The following PPEF1 variants were observed in gnomAD, a reference collection of about 807,000 sequenced individuals.
PPEF1 encodes serine/threonine-protein phosphatase with EF-hands 1.
In PPEF1, 12 loss-of-function variants were observed where a neutral mutation model predicts 53.3. The observed-to-expected ratio is 0.23, with a 90% CI of 0.14 to 0.36. The LOEUF (loss-of-function observed/expected upper bound fraction) is 0.36, where lower values mean the gene tolerates loss of function less well. Among genes scored for constraint, PPEF1 ranks in the 10% least tolerant of loss-of-function variants. The pLI is 1.00. For synonymous variants in PPEF1, 165 were observed against 176.7 expected, an observed-to-expected ratio of 0.93 and a Z score of 0.52; for missense variants, 334 against 490.4, an observed-to-expected ratio of 0.68 and a Z score of 3.01.
At chrX:18,682,363 T>C (rs1928913517), upstream of PPEF1, among the ~76,000 whole-genome samples, 1 of 112,447 alleles carries the variant, frequency 8.9e-6, no homozygotes, top group South Asian at 3.7e-4. Flanking sequence ...GCTCTTGCTA[T>C]CAAAGAGGCT....
intron 1 of PPEF1, among the ~76,000 whole-genome samples, chrX:18,677,642 A>G (rs948327940): frequency 9.0e-6 from 1 of 111,613 alleles, no homozygotes; most frequent in South Asian, 3.8e-4. Flanking sequence ...CTGATGATCT[A>G]GCTTCCTATT....
intron 3 of PPEF1, among the ~76,000 whole-genome samples, chrX:18,690,358 G>GTTTT (rs67423941): frequency 1.4e-5 from 1 of 71,264 alleles, no homozygotes; most frequent in African/African-American, 5.3e-5. Flanking sequence ...TCTAGGACTT[G>GTTTT]TTTTTTTTTT....
intron 1 of PPEF1, among the ~76,000 whole-genome samples, chrX:18,723,935 C>T (rs1180985859): frequency 7.2e-5 from 8 of 110,751 alleles, no homozygotes; most frequent in Non-Finnish European, 5.7e-5. Context: ...TACAGGCATG[C>T]ACCACCACGC....
rs1005288886 is a variant in PPEF1 at position 18,757,551 on chromosome X, A to C, written c.397-76A>C. 5.2e-6 allele frequency: 4 copies of C among 769,537 alleles called. No homozygotes were observed. The African/African-American group carries it at 8.3e-5, about 16-fold the overall frequency. The allele number at this position is 769,537 out of a possible 1,213,427, so 63.4% of individuals were successfully genotyped here. A position where few individuals can be genotyped will look rare whatever the true frequency, so the allele number is the denominator to read the frequency against. On this transcript the variant is annotated intron_variant, in intron 4 of 15. Coordinates refer to ENST00000470157, the MANE Select transcript of PPEF1 (RefSeq NM_001377996.1). ...GACCTGAAACGTGCGTGCTTGCTCC[A>C]CCTTTACAGTTTTCTATACAGTCAT...
intron 10 of PPEF1, among the ~76,000 whole-genome samples, chrX:18,801,644 G>C (rs947283069): frequency 9.0e-6 from 1 of 111,662 alleles, no homozygotes; most frequent in African/African-American, 3.3e-5. Flanking sequence ...TAATGGCAGA[G>C]AGAGTTTTTC....
At chrX:18,684,813 G>A (rs1382976229) in intron 2 of PPEF1, among the ~76,000 whole-genome samples, 1 of 110,806 alleles carries the variant, frequency 9.0e-6, no homozygotes, top group East Asian at 2.8e-4. Context: ...TATTAGTAGG[G>A]ATGGATTTTC....
At chrX:18,732,738 A>G (rs2044866660) in intron 2 of PPEF1, among the ~76,000 whole-genome samples, 1 of 112,183 alleles carries the variant, frequency 8.9e-6, no homozygotes, top group African/African-American at 3.2e-5. Flanking sequence ...CTTGAAAAAG[A>G]AATTATTTGT....
At chrX:18,680,638 T>G (rs1004278804), upstream of PPEF1, among the ~76,000 whole-genome samples, 1 of 109,761 alleles carries the variant, frequency 9.1e-6, no homozygotes, top group Non-Finnish European at 1.9e-5. Flanking sequence ...TTATTATACT[T>G]TAAGTTTCAG....
chrX:18,761,829 C>A (rs928979274), intron 6 of PPEF1, among the ~76,000 whole-genome samples: 6 of 109,368 alleles, frequency 5.5e-5, no homozygotes, highest in African/African-American at 1.7e-4. Context: ...GGATTTGTAC[C>A]GGATTGTATT....
At chrX:18,680,290 C>G (rs754872373), upstream of PPEF1, among the ~76,000 whole-genome samples, 1 of 109,525 alleles carries the variant, frequency 9.1e-6, no homozygotes, top group Non-Finnish European at 1.9e-5. Context: ...TCACCTTGCT[C>G]GGGTCATACC....
chrX:18,724,336 C>T (rs893162369), intron 1 of PPEF1, among the ~76,000 whole-genome samples: 2 of 111,675 alleles, frequency 1.8e-5, no homozygotes, highest in East Asian at 2.8e-4. Flanking sequence ...ACATAAAGCA[C>T]GAGGCACAAT....
chrX:18,712,688 C>G (rs113078193), intron 1 of PPEF1, among the ~76,000 whole-genome samples: 22 of 112,057 alleles, frequency 2.0e-4, no homozygotes, highest in African/African-American at 7.1e-4. Context: ...TGTCTTGTTC[C>G]TGATCTTAAG....
At chrX:18,694,789 G>A (rs1482609133) in intron 4 of PPEF1, among the ~76,000 whole-genome samples, 5 of 111,720 alleles carry the variant, frequency 4.5e-5, no homozygotes, top group Non-Finnish European at 9.4e-5. Flanking sequence ...GTATCTCATG[G>A]TTTTAATTTT....
At chrX:18,696,506 C>T (rs1929733797) in intron 4 of PPEF1, among the ~76,000 whole-genome samples, 1 of 110,787 alleles carries the variant, frequency 9.0e-6, no homozygotes, top group African/African-American at 3.3e-5. Flanking sequence ...TGAGAATGGA[C>T]CAAGCATATT....
chrX:18,697,638 T>G (rs1356381213), intron 4 of PPEF1, among the ~76,000 whole-genome samples: 5 of 111,340 alleles, frequency 4.5e-5, no homozygotes, highest in African/African-American at 1.6e-4. Flanking sequence ...ATTGCTTTCA[T>G]TTATTCATGT....
At chrX:18,722,301 A>C (rs936192424) in intron 1 of PPEF1, among the ~76,000 whole-genome samples, 1 of 111,878 alleles carries the variant, frequency 8.9e-6, no homozygotes, top group African/African-American at 3.3e-5. Flanking sequence ...TTTTCTTTCC[A>C]GTTCATTCGA....
At chrX:18,690,031 A>G (rs778907095) in intron 3 of PPEF1, among the ~76,000 whole-genome samples, 66 of 110,868 alleles carry the variant, frequency 6.0e-4, no homozygotes, top group Non-Finnish European at 1.2e-3. Flanking sequence ...CTCTCATAAA[A>G]TGAATACTTG....
At position 18,710,568 on chromosome X, in the gene PPEF1, C is replaced by A. The variant is rs181793426; in HGVS notation, c.46+2742C>A. Among the ~76,000 whole-genome samples the A allele has an allele frequency of 4.7e-3, 520 of 111,408 alleles. 3 individuals are homozygous for A. Among genetic ancestry groups the A allele is most frequent in the African/African-American group, 0.016 (502 of 30,693 alleles). The stretch of plus-strand genomic sequence containing the variant: ...GGCATACAAATGGCTAACAAACACA[C>A]GAAAAAAATGCTCAACATCACTAAT... On this transcript the variant is annotated intron_variant, in intron 1 of 15. Transcript: ENST00000470157.
chrX:18,718,901 A>G (rs1265821439), intron 1 of PPEF1, among the ~76,000 whole-genome samples: 3 of 112,383 alleles, frequency 2.7e-5, no homozygotes, highest in Admixed American at 9.5e-5. Context: ...CAAAAATTTA[A>G]TGCGGATCGT....
Sources: gnomAD v4.1 joint callset for allele counts (sites outside exome capture counted in the v4.1 genomes callset) on GRCh38, gnomAD v4.1.1 for gene constraint, MANE v1.5 for transcripts, NCBI Gene and HGNC (gene_info 2026-07-23, HGNC 2026-07-21) for gene names.